Variants in TRIM11 observed in about 807,000 individuals in gnomAD.
TRIM11 encodes the protein E3 ubiquitin-protein ligase TRIM11.
In TRIM11, 15 loss-of-function variants were observed where a neutral mutation model predicts 33.4. That is an observed-to-expected ratio of 0.45 (90% CI 0.30 to 0.69). TRIM11 has a LOEUF of 0.69. Ranked by LOEUF, TRIM11 falls within the 30% of genes least tolerant of loss-of-function variation. The pLI, the probability that TRIM11 is intolerant of heterozygous loss-of-function variation, is 0.08. For synonymous variants in TRIM11, 281 were observed against 302.6 expected, an observed-to-expected ratio of 0.93 and a Z score of 0.74; for missense variants, 499 against 667.6, an observed-to-expected ratio of 0.75 and a Z score of 2.78.
At chr1:228,404,905 G>A (rs1434246112) in intron 1 of TRIM11, 1 of 152,204 alleles carries the variant, frequency 6.6e-6, no homozygotes, top group Non-Finnish European at 1.5e-5. Flanking sequence ...CAAATTGTAT[G>A]ATTTTTTTTC....
intron 3 of TRIM11, among the ~76,000 whole-genome samples, chr1:228,399,672 T>C (rs1411745870): frequency 6.6e-6 from 1 of 151,864 alleles, no homozygotes; most frequent in Non-Finnish European, 1.5e-5. Context: ...TCTCCTAATA[T>C]TCCTCAGTCT....
At chr1:228,397,825 A>C (rs1170220722) in intron 3 of TRIM11, 1 of 152,280 alleles carries the variant, frequency 6.6e-6, no homozygotes, top group Non-Finnish European at 1.5e-5. Flanking sequence ...GGTGGGCTGC[A>C]ATCCAAAATA....
intron 5 of TRIM11, chr1:228,396,505 T>G (rs2074987823): frequency 1.7e-6 from 1 of 597,706 alleles, no homozygotes; most frequent in Non-Finnish European, 3.0e-6. Flanking sequence ...CCAATGACAG[T>G]AAGTAAAGTG....
At chr1:228,399,912 C>CA (rs1412554770) in intron 3 of TRIM11, among the ~76,000 whole-genome samples, 1 of 142,352 alleles carries the variant, frequency 7.0e-6, no homozygotes, top group Non-Finnish European at 1.6e-5. Context: ...AAACAAAAAA[C>CA]AAAAAAACAG....
At position 228,401,058 on chromosome 1, in the gene TRIM11, C is replaced by T; in HGVS notation, c.641G>A (p.Gly214Asp). 1.2e-6 allele frequency: 2 copies of T among 1,612,792 alleles called. No individual in the cohort carries two copies. The highest frequency in any genetic ancestry group is 2.2e-5 in the East Asian group (1 of 44,848). The change falls in exon 3 of 6, where the codon GGC becomes GAC. Residue 214 changes from glycine to aspartate, a missense_variant. Coordinates refer to ENST00000284551, the MANE Select transcript of TRIM11 (RefSeq NM_145214.3). This position sits in a 1 kb window ranked among gnomAD's most constrained non-coding sequence, Gnocchi z 6.1. ...GCTCTGCTGGCCTAGGTGGGCTGCG[C>T]CCTCCCGCAGCCGGGGCAGCACCTC... is the stretch of plus-strand genomic sequence containing the variant. ...ELEVLPRLREGAAHLGQQSAH... is the reference protein window; with the variant it reads ...ELEVLPRLREDAAHLGQQSAH...
chr1:228,404,560 A>T (rs904238708), intron 1 of TRIM11: 6 of 152,268 alleles, frequency 3.9e-5, no homozygotes, highest in African/African-American at 1.4e-4. Flanking sequence ...TACAAGAATT[A>T]TTCTGAGTAA....
At position 228,406,355 on chromosome 1, in the gene TRIM11, G is replaced by A. The variant is rs763092726; in HGVS notation, c.207C>T (p.Arg69=). 1.3e-5 allele frequency: 20 copies of A among 1,495,230 alleles called. No homozygotes were observed. The highest frequency in any genetic ancestry group is 8.7e-5 in the African/African-American group (6 of 69,050). 92.6% of individuals were successfully genotyped at this position (1,495,230 alleles called of 1,614,324 possible). A position where few individuals can be genotyped will look rare whatever the true frequency, so the allele number is the denominator to read the frequency against. The part of the protein sequence containing the change: ...LSPQRNLRPN[R]PLAKMAEMAR... ...CCATCTCGGCCATCTTAGCAAGCGG[G>A]CGGTTGGGCCGCAGGTTCCTCTGCG... is the stretch of plus-strand genomic sequence containing the variant. Residue 69 remains arginine, a synonymous_variant, in exon 1 of 6, where the codon CGC becomes CGT. Transcript: ENST00000284551. This position sits in a 1 kb window ranked among gnomAD's most constrained non-coding sequence, Gnocchi z 8.2.
Position 228,394,609 on chromosome 1 carries a change from G to A in TRIM11, c.*96C>T, listed in dbSNP as rs1009713595. 3.6e-5 allele frequency: 48 copies of A among 1,347,654 alleles called. No individual in the cohort carries two copies. Among genetic ancestry groups the A allele is most frequent in the Non-Finnish European group, 4.5e-5 (45 of 1,003,828 alleles). 83.5% of individuals were successfully genotyped at this position (1,347,654 alleles called of 1,614,324 possible). ...CAGGAGTTCCTCCTCTTGCTCAAAG[G>A]ACACACTCCCTCCTCCCAGGTCCTC... On this transcript the variant is annotated 3_prime_UTR_variant, in exon 6 of 6. Coordinates refer to ENST00000284551, the MANE Select transcript of TRIM11 (RefSeq NM_145214.3). This position sits in a 1 kb window ranked among gnomAD's most constrained non-coding sequence, Gnocchi z 6.2.
intron 5 of TRIM11, 83 bp downstream of exon 5, chr1:228,396,864 G>T: frequency 7.7e-7 from 1 of 1,300,610 alleles, no homozygotes; most frequent in Non-Finnish European, 1.1e-6. Context: ...CAGTGGCAGG[G>T]CACAGAACAC....
At position 228,406,140 on chromosome 1, in the gene TRIM11, C is replaced by T; in HGVS notation, c.408+14G>A. ...TCCCCGACGCCCCTGCACGCCACCCCCGCCCAGGAGCACCTTGAGGTCTTC... is the reference window on the plus strand; with the variant it reads ...TCCCCGACGCCCCTGCACGCCACCCTCGCCCAGGAGCACCTTGAGGTCTTC... On this transcript the variant is annotated intron_variant, in intron 1 of 5. Coordinates refer to ENST00000284551, the MANE Select transcript of TRIM11 (RefSeq NM_145214.3). This position sits in a 1 kb window ranked among gnomAD's most constrained non-coding sequence, Gnocchi z 8.2. 2 of 1,363,666 alleles carry T rather than the reference C, an allele frequency of 1.5e-6. No homozygotes were observed. The highest frequency in any genetic ancestry group is 1.9e-6 in the Non-Finnish European group (2 of 1,064,410). 84.5% of individuals were successfully genotyped at this position (1,363,666 alleles called of 1,614,324 possible). A position where few individuals can be genotyped will look rare whatever the true frequency, so the allele number is the denominator to read the frequency against.
At position 228,401,509 on chromosome 1, in the gene TRIM11, C is replaced by T. The variant is rs150616283; in HGVS notation, c.505-315G>A. Among the ~76,000 whole-genome samples the T allele has an allele frequency of 6.6e-6, 1 of 152,282 alleles. No homozygotes were observed. The highest frequency in any genetic ancestry group is 2.4e-5 in the African/African-American group (1 of 41,554). ...CAGGGCCGACTAGATCCCAAATCCACTATCTAGTCCCTCCCCAACTTCCAA... is the reference window on the plus strand; with the variant it reads ...CAGGGCCGACTAGATCCCAAATCCATTATCTAGTCCCTCCCCAACTTCCAA... On this transcript the variant is annotated intron_variant, in intron 2 of 5. Transcript: ENST00000284551. The surrounding 1 kb of genome is among the most constrained non-coding windows in gnomAD (Gnocchi z 6.1).
At position 228,395,129 on chromosome 1, in the gene TRIM11, C is replaced by G; in HGVS notation, c.983G>C (p.Gly328Ala). 1.9e-6 allele frequency: 3 copies of G among 1,579,594 alleles called. No homozygotes were observed. Among genetic ancestry groups the G allele is most frequent in the Non-Finnish European group, 2.6e-6 (3 of 1,166,090 alleles). ...GCGCTCCTGGCCCAGCACGCAGGGG[C>G]CGGGGTCAAAGCGCTCTGGGCTGTC... is the stretch of plus-strand genomic sequence containing the variant. ...LPDSPERFDP[G>A]PCVLGQERFT... is the part of the protein sequence containing the mutation. Residue 328 changes from glycine (G) to alanine (A), a missense_variant, in exon 6 of 6, where the codon GGC becomes GCC. Physicochemically the swap from Gly to Ala is moderately conservative, Grantham distance 60. Coordinates refer to ENST00000284551, the MANE Select transcript of TRIM11 (RefSeq NM_145214.3). This position sits in a 1 kb window ranked among gnomAD's most constrained non-coding sequence, Gnocchi z 4.8.
chr1:228,397,290 A>T (rs770267902), intron 3 of TRIM11, 125 bp from the exon 4 acceptor site: 60 of 1,194,416 alleles, frequency 5.0e-5, no homozygotes, highest in Non-Finnish European at 6.9e-5. Context: ...GGCAGCAAAA[A>T]CACACACAGG....
chr1:228,406,268 T>G lies in TRIM11; in HGVS notation c.294A>C (p.Pro98=), dbSNP rs1257637126. The change falls in exon 1 of 6, where the codon CCA becomes CCC. Residue 98 remains proline (P), a synonymous_variant. Coordinates refer to ENST00000284551, the MANE Select transcript of TRIM11 (RefSeq NM_145214.3). The surrounding 1 kb of genome is among the most constrained non-coding windows in gnomAD (Gnocchi z 8.2). The stretch of plus-strand genomic sequence containing the variant: ...GCTCGTCGCCACAGAAGGCGGCCAG[T>G]GGCTCGCGGTGCGCGGGGCACACGC... The part of the protein sequence containing the change: ...PQGVCPAHRE[P]LAAFCGDELR... The G allele has an allele frequency of 6.7e-7, 1 of 1,494,228 alleles. No homozygotes were observed. The highest frequency in any genetic ancestry group is 8.9e-7 in the Non-Finnish European group (1 of 1,128,624). 92.6% of individuals were successfully genotyped at this position (1,494,228 alleles called of 1,614,324 possible). A position where few individuals can be genotyped will look rare whatever the true frequency, so the allele number is the denominator to read the frequency against.
At chr1:228,399,891 C>CAAAAAAAAAAAAAAAAAAAA (rs58986540) in intron 3 of TRIM11, among the ~76,000 whole-genome samples, 2 of 92,754 alleles carry the variant, frequency 2.2e-5, no homozygotes, top group African/African-American at 7.2e-5. Flanking sequence ...AAAAAAAAAA[C>CAAAAAAAAAAAAAAAAAAAA]AAAAAAAAAA....
chr1:228,402,495 G>A (rs1052299067), intron 1 of TRIM11: 3 of 209,494 alleles, frequency 1.4e-5, no homozygotes, highest in Non-Finnish European at 1.9e-5. Context: ...CCCCAAGCTG[G>A]CTCTGAAGGT....
At chr1:228,396,553 A>C (rs977394387) in intron 5 of TRIM11, 5 of 625,726 alleles carry the variant, frequency 8.0e-6, no homozygotes, top group East Asian at 2.7e-5. Context: ...GCGAATGCTC[A>C]CATCTGCAGA....
Position 228,402,138 on chromosome 1 carries a change from C to T in TRIM11, c.432G>A (p.Glu144=). 1 of 1,613,016 alleles carries T rather than the reference C, an allele frequency of 6.2e-7. No homozygotes were observed. The highest frequency in any genetic ancestry group is 1.1e-5 in the South Asian group (1 of 90,888). The change falls in exon 2 of 6, where the codon GAG becomes GAA. Residue 144 remains glutamate (E), a synonymous_variant. Transcript: ENST00000284551. ...CATCCTGCATCTGCTTCCGGAGATG[C>T]TCCAGTGACTTCTCCAGCTTCGCCT... The part of the protein sequence containing the change: ...DLKAKLEKSL[E]HLRKQMQDAL...
rs1656418619 is a variant in TRIM11, at chr1:228,406,365, C to T, written c.197G>A (p.Arg66Gln). ...CATCTTAGCAAGCGGGCGGTTGGGCCGCAGGTTCCTCTGCGGGGACAGCTC... is the reference window on the plus strand; with the variant it reads ...CATCTTAGCAAGCGGGCGGTTGGGCTGCAGGTTCCTCTGCGGGGACAGCTC... ...CRELSPQRNL[R>Q]PNRPLAKMAE... The change falls in exon 1 of 6, where the codon CGG becomes CAG. Residue 66 changes from arginine to glutamine, a missense_variant. Coordinates refer to ENST00000284551, the MANE Select transcript of TRIM11 (RefSeq NM_145214.3). This position sits in a 1 kb window ranked among gnomAD's most constrained non-coding sequence, Gnocchi z 8.2. 1.3e-6 allele frequency: 2 copies of T among 1,507,554 alleles called. No individual in the cohort carries two copies. Among genetic ancestry groups the T allele is most frequent in the Non-Finnish European group, 1.8e-6 (2 of 1,130,336 alleles). The allele number at this position is 1,507,554 out of a possible 1,614,324, so 93.4% of individuals were successfully genotyped here.
Sources: allele counts gnomAD v4.1 joint callset (sites outside exome capture counted in the v4.1 genomes callset), GRCh38; gene constraint gnomAD v4.1.1; non-coding constraint Gnocchi (gnomAD v3.1); transcripts MANE v1.5; gene names NCBI Gene and HGNC (gene_info 2026-07-23, HGNC 2026-07-21).